Variants in DNAH14 observed in about 807,000 individuals in gnomAD.
The protein encoded by DNAH14 is dynein axonemal heavy chain 14, also known as axonemal beta dynein heavy chain 14.
DNAH14 carries 478 observed loss-of-function variants against 520.9 expected under a neutral mutation model. The ratio of observed to expected loss-of-function variants is 0.92; its 90% confidence interval spans 0.85 to 0.99. The LOEUF (loss-of-function observed/expected upper bound fraction) is 0.99, where lower values mean the gene tolerates loss of function less well. DNAH14 is among the 50% of genes least tolerant of loss of function. DNAH14 has a pLI of 0.00. For missense variants in DNAH14, 4,831 were observed against 5,234.5 expected (o/e 0.92, Z 2.38); for synonymous variants, 1,581 against 1,757.2 (o/e 0.90, Z 2.51).
intron 43 of DNAH14, among the ~76,000 whole-genome samples, chr1:225,241,319 C>G (rs963504488): frequency 1.3e-5 from 2 of 152,096 alleles, no homozygotes; most frequent in Non-Finnish European, 2.9e-5. Flanking sequence ...ACTAAAAGAA[C>G]TTTGAGTAGG....
At chr1:224,997,306 A>G (rs572436121) in intron 8 of DNAH14, among the ~76,000 whole-genome samples, 13 of 149,646 alleles carry the variant, frequency 8.7e-5, no homozygotes, top group Admixed American at 2.6e-4. Context: ...TTTCTATTCT[A>G]TTTTCCCACT....
At chr1:225,115,197 C>T (rs1033492118) in intron 23 of DNAH14, among the ~76,000 whole-genome samples, 1 of 149,826 alleles carries the variant, frequency 6.7e-6, no homozygotes, top group Non-Finnish European at 1.5e-5. Context: ...CTAGAGCTGG[C>T]GGAGGGGTGA....
intron 41 of DNAH14, among the ~76,000 whole-genome samples, chr1:225,211,469 T>C (rs968734693): frequency 6.6e-6 from 1 of 151,592 alleles, no homozygotes; most frequent in Non-Finnish European, 1.5e-5. Flanking sequence ...TGAAAAGGAA[T>C]GAACAAAGCC....
intron 1 of DNAH14, among the ~76,000 whole-genome samples, chr1:224,947,735 A>C (rs536045260): frequency 6.0e-4 from 91 of 152,066 alleles, no homozygotes; most frequent in African/African-American, 2.0e-3. Context: ...CACAAGTTTT[A>C]ATTTTAATAT....
At chr1:224,943,757 G>T (rs1385088432) in intron 1 of DNAH14, among the ~76,000 whole-genome samples, 1 of 152,102 alleles carries the variant, frequency 6.6e-6, no homozygotes, top group Non-Finnish European at 1.5e-5. Context: ...TATGTACCCA[G>T]TAGTCATTCA....
At chr1:225,047,782 C>T (rs1234649905) in intron 15 of DNAH14, among the ~76,000 whole-genome samples, 1 of 152,174 alleles carries the variant, frequency 6.6e-6, no homozygotes, top group Non-Finnish European at 1.5e-5. Flanking sequence ...AGTTTCCAGT[C>T]CAAACTTGTT....
At chr1:225,154,595 A>G (rs960376573) in intron 34 of DNAH14, among the ~76,000 whole-genome samples, 2 of 152,108 alleles carry the variant, frequency 1.3e-5, no homozygotes, top group African/African-American at 4.8e-5. Context: ...CATGGGGAAG[A>G]ATAGACTTTT....
chr1:225,145,857 C>T (rs1424952300), intron 30 of DNAH14, among the ~76,000 whole-genome samples: 2 of 152,178 alleles, frequency 1.3e-5, no homozygotes, highest in African/African-American at 4.8e-5. Context: ...CATTATCTGA[C>T]ATAACATTCT....
At chr1:225,230,625 C>CTAA (rs1558098294) in intron 41 of DNAH14, among the ~76,000 whole-genome samples, 1 of 152,010 alleles carries the variant, frequency 6.6e-6, no homozygotes, top group African/African-American at 2.4e-5. Context: ...TACAATCTGC[C>CTAA]TAACATGCCC....
intron 3 of DNAH14, 22 bp from the exon 4 acceptor site, chr1:224,960,131 T>A: frequency 6.5e-7 from 1 of 1,550,286 alleles, no homozygotes; most frequent in Non-Finnish European, 8.7e-7. Flanking sequence ...AGTTATTCAG[T>A]TAATAATGGT....
chr1:225,384,331 G>A (rs565992845), intron 81 of DNAH14, among the ~76,000 whole-genome samples: 24 of 152,272 alleles, frequency 1.6e-4, no homozygotes, highest in South Asian at 8.3e-4. Flanking sequence ...AATGTTGACA[G>A]TGGGGTGTTA....
rs571880835 is a variant in DNAH14 at position 225,250,534 on chromosome 1, C to T, written c.6749-1767C>T. 134 of 424,924 alleles carry T rather than the reference C, an allele frequency of 3.2e-4. 3 individuals are homozygous for T. The South Asian group carries it at 0.012, about 38-fold the overall frequency. 26.3% of individuals were successfully genotyped at this position (424,924 alleles called of 1,614,324 possible). On this transcript the variant is annotated intron_variant, in intron 43 of 85. Transcript: ENST00000682510. Reference sequence around the variant, plus strand: ...GTGGCGTGCTGTTTTAACCATATTCCCTTGGGTGAGGTATGGTGAGGCCAG... The same window carrying T: ...GTGGCGTGCTGTTTTAACCATATTCTCTTGGGTGAGGTATGGTGAGGCCAG...
intron 77 of DNAH14, among the ~76,000 whole-genome samples, chr1:225,372,031 C>T (rs754866160): frequency 3.3e-5 from 5 of 152,086 alleles, no homozygotes; most frequent in Non-Finnish European, 7.4e-5. Context: ...GCACAGTACA[C>T]CTAAGAAACT....
chr1:225,149,858 C>A (rs1163070942), intron 31 of DNAH14, among the ~76,000 whole-genome samples: 2 of 152,082 alleles, frequency 1.3e-5, no homozygotes, highest in Non-Finnish European at 2.9e-5. Context: ...AGGGATAGTT[C>A]GACTTCCTCT....
At chr1:225,293,781 TA>T (rs2093945732) in intron 55 of DNAH14, among the ~76,000 whole-genome samples, 1 of 152,182 alleles carries the variant, frequency 6.6e-6, no homozygotes, top group African/African-American at 2.4e-5. Flanking sequence ...TTTACCTATG[TA>T]AAAAATTTGC....
intron 66 of DNAH14, among the ~76,000 whole-genome samples, chr1:225,335,319 G>C: frequency 7.9e-6 from 1 of 126,162 alleles, no homozygotes; most frequent in Admixed American, 8.0e-5. Context: ...GTGTGTATAT[G>C]CACATATACA....
chr1:225,081,384 T>C (rs1297659934), intron 19 of DNAH14, among the ~76,000 whole-genome samples: 1 of 152,154 alleles, frequency 6.6e-6, no homozygotes, highest in Non-Finnish European at 1.5e-5. Flanking sequence ...AATATAACAG[T>C]AGCACAAAAG....
rs1203584232 is a variant in DNAH14 at position 224,952,742 on chromosome 1, CAA to C, written c.41_42del (p.Gln14ArgfsTer17). ...FIPIDLTTEN[Q>X]EMDKEETKTK... ...ACCCATTGATTTGACAACTGAAAAT[CAA>C]GAGATGGACAAGGAGGAAACCAAGA... is the stretch of plus-strand genomic sequence containing the variant. On this transcript the variant is annotated frameshift_variant, in exon 2 of 86. Transcript: ENST00000682510. LOFTEE classifies it high-confidence loss of function. The C allele has an allele frequency of 1.2e-6, 2 of 1,602,902 alleles. No individual in the cohort carries two copies. The highest frequency in any genetic ancestry group is 3.4e-5 in the Admixed American group (2 of 58,310).
At chr1:225,230,834 A>G (rs2091035259) in intron 41 of DNAH14, among the ~76,000 whole-genome samples, 1 of 152,194 alleles carries the variant, frequency 6.6e-6, no homozygotes, top group South Asian at 2.1e-4. Context: ...ATAAAGAATG[A>G]ATGTATGCAG....
Sources: allele counts gnomAD v4.1 joint callset (sites outside exome capture counted in the v4.1 genomes callset), GRCh38; gene constraint gnomAD v4.1.1; transcripts MANE v1.5; gene names NCBI Gene and HGNC (gene_info 2026-07-23, HGNC 2026-07-21).